The following CACNA1B variants were observed in gnomAD, a reference collection of about 807,000 sequenced individuals.
CACNA1B encodes calcium voltage-gated channel subunit alpha1 B.
CACNA1B carries 70 observed loss-of-function variants against 247.2 expected under a neutral mutation model. The observed-to-expected ratio is 0.28, with a 90% CI of 0.23 to 0.35. The LOEUF (loss-of-function observed/expected upper bound fraction) is 0.35, where lower values mean the gene tolerates loss of function less well. Ranked by LOEUF, CACNA1B falls within the 10% of genes least tolerant of loss-of-function variation. CACNA1B has a pLI of 1.00. For missense variants in CACNA1B, 2,367 were observed against 3,197.4 expected (o/e 0.74, Z 6.26); for synonymous variants, 1,231 against 1,294.4 (o/e 0.95, Z 1.05).
intron 12 of CACNA1B, among the ~76,000 whole-genome samples, chr9:137,981,504 T>C (rs1243098075): frequency 6.6e-6 from 1 of 152,194 alleles, no homozygotes; most frequent in African/African-American, 2.4e-5. Flanking sequence ...TGTGTGTGTG[T>C]CTCGCTCTGT....
At chr9:138,044,282 G>A (rs895120292) in intron 21 of CACNA1B, among the ~76,000 whole-genome samples, 3 of 152,216 alleles carry the variant, frequency 2.0e-5, no homozygotes, top group African/African-American at 7.2e-5. Context: ...ATGTCTATCC[G>A]TGTGTCCACG....
At chr9:137,967,110 C>T (rs759823166) in intron 10 of CACNA1B, among the ~76,000 whole-genome samples, 3 of 151,806 alleles carry the variant, frequency 2.0e-5, no homozygotes, top group African/African-American at 7.3e-5. Flanking sequence ...CTGTTTATTG[C>T]TCCTCTCCTC....
intron 6 of CACNA1B, among the ~76,000 whole-genome samples, chr9:137,937,511 A>T (rs965086780): frequency 2.0e-5 from 3 of 152,214 alleles, no homozygotes; most frequent in Non-Finnish European, 4.4e-5. Context: ...TGGAAAATGT[A>T]TTTGGGGAAA....
intron 15 of CACNA1B, among the ~76,000 whole-genome samples, chr9:138,000,101 CTTT>C (rs11317689): frequency 4.4e-5 from 6 of 137,770 alleles, no homozygotes; most frequent in African/African-American, 5.3e-5. Context: ...ATGAAACATG[CTTT>C]TTTTTTTTTT....
intron 36 of CACNA1B, among the ~76,000 whole-genome samples, chr9:138,084,955 GAA>G (rs540352266): frequency 6.8e-5 from 6 of 87,746 alleles, no homozygotes; most frequent in African/African-American, 9.1e-5. Flanking sequence ...CCATCTCAAA[GAA>G]AAAAAAAAAA....
rs753223370 is a variant in CACNA1B at position 138,023,400 on chromosome 9, C to T, written c.2657C>T (p.Pro886Leu). The T allele has an allele frequency of 8.2e-6, 11 of 1,339,388 alleles. No homozygotes were observed. The South Asian group carries it at 1.9e-4, about 23-fold the overall frequency. The allele number at this position is 1,339,388 out of a possible 1,614,324, so 83.0% of individuals were successfully genotyped here. ...GAGCCCGGTGCCCGGGAGGAGCGGC[C>T]GCGGCCGCACCGCAGCCACAGCAAG... ...SGEPGAREER[P>L]RPHRSHSKEA... The change falls in exon 19 of 47, where the codon CCG (proline) becomes CTG (leucine). Residue 886 changes from proline (P) to leucine (L), a missense_variant. Transcript: ENST00000371372.
chr9:137,879,818 G>T (rs1038873939), intron 2 of CACNA1B, among the ~76,000 whole-genome samples: 1 of 152,236 alleles, frequency 6.6e-6, no homozygotes, highest in South Asian at 2.1e-4. Flanking sequence ...GCCCTGTGGG[G>T]TCTCTGGAGG....
intron 3 of CACNA1B, among the ~76,000 whole-genome samples, chr9:137,912,668 A>G (rs1287051371): frequency 6.6e-6 from 1 of 152,136 alleles, no homozygotes; most frequent in East Asian, 1.9e-4. Flanking sequence ...CCACCTTTCC[A>G]ATACCCCACT....
chr9:137,908,410 G>A (rs1957320889), intron 3 of CACNA1B, among the ~76,000 whole-genome samples: 2 of 151,782 alleles, frequency 1.3e-5, no homozygotes, highest in Admixed American at 6.6e-5. Context: ...CAGCTACTCG[G>A]GAGGCTGAGG....
At chr9:137,921,335 A>G (rs763098975) in intron 6 of CACNA1B, among the ~76,000 whole-genome samples, 1 of 151,638 alleles carries the variant, frequency 6.6e-6, no homozygotes. Context: ...CTGGGAGCAG[A>G]GTAAAGCGTT....
chr9:138,034,653 G>A (rs1959022151), intron 20 of CACNA1B, among the ~76,000 whole-genome samples: 1 of 151,830 alleles, frequency 6.6e-6, no homozygotes, highest in East Asian at 1.9e-4. Context: ...TATATATGAG[G>A]CATAAAAGAA....
At chr9:138,090,015 C>A (rs1960824909) in intron 36 of CACNA1B, among the ~76,000 whole-genome samples, 1 of 151,968 alleles carries the variant, frequency 6.6e-6, no homozygotes, top group African/African-American at 2.4e-5. Context: ...GTGAAAAGGA[C>A]CATGCAGATT....
chr9:138,073,390 G>T lies in CACNA1B; in HGVS notation c.4675-98G>T. 1.4e-6 allele frequency: 1 copy of T among 708,966 alleles called. No individual in the cohort carries two copies. Among genetic ancestry groups the T allele is most frequent in the East Asian group, 2.5e-5 (1 of 39,670 alleles). The allele number at this position is 708,966 out of a possible 1,614,324, so 43.9% of individuals were successfully genotyped here. ...TTAATCTTTTTAACCACTTTTCTTT[G>T]GGGCCACAGGGATGTGGGAAGAGGT... is the stretch of plus-strand genomic sequence containing the variant. On this transcript the variant is annotated intron_variant, in intron 32 of 46. Coordinates refer to ENST00000371372, the MANE Select transcript of CACNA1B (RefSeq NM_000718.4). The surrounding 1 kb of genome is among the most constrained non-coding windows in gnomAD (Gnocchi z 6.4).
At chr9:138,077,852 C>A (rs953752179) in intron 35 of CACNA1B, among the ~76,000 whole-genome samples, 1 of 152,200 alleles carries the variant, frequency 6.6e-6, no homozygotes, top group African/African-American at 2.4e-5. Context: ...CTGTGGTGTC[C>A]ACAAAGAAGT....
At chr9:138,119,689 G>A (rs1188009280) in intron 44 of CACNA1B, among the ~76,000 whole-genome samples, 2 of 152,126 alleles carry the variant, frequency 1.3e-5, no homozygotes, top group Admixed American at 6.5e-5. Context: ...TGGTGGGTGG[G>A]TGCAGGCTGA....
At chr9:138,083,054 C>T (rs180841484) in intron 36 of CACNA1B, among the ~76,000 whole-genome samples, 3 of 150,524 alleles carry the variant, frequency 2.0e-5, no homozygotes, top group South Asian at 4.2e-4. Context: ...CCCTACCACT[C>T]GGGTCCCCTG....
Position 137,986,144 on chromosome 9 carries a change from G to A in CACNA1B, c.1770-269G>A, listed in dbSNP as rs1327718811. On this transcript the variant is annotated intron_variant, in intron 13 of 46. Coordinates refer to ENST00000371372, the MANE Select transcript of CACNA1B (RefSeq NM_000718.4). This position sits in a 1 kb window ranked among gnomAD's most constrained non-coding sequence, Gnocchi z 6.0. ...GCCTGGCCACCTGGATGGTGGCCTC[G>A]TCCTCCTGAACCTAGGGACAGGGAG... Among the ~76,000 whole-genome samples, 4 of 152,106 alleles carry A rather than the reference G, an allele frequency of 2.6e-5. No homozygotes were observed. The highest frequency in any genetic ancestry group is 7.2e-5 in the African/African-American group (3 of 41,420).
In CACNA1B at chr9:138,052,235, CGTGTGTGTGTGTGCGT is replaced by C; in HGVS notation, c.3807+60_3807+75del. On this transcript the variant is annotated intron_variant, in intron 25 of 46. Coordinates refer to ENST00000371372, the MANE Select transcript of CACNA1B (RefSeq NM_000718.4). This position sits in a 1 kb window ranked among gnomAD's most constrained non-coding sequence, Gnocchi z 5.1. ...TTGAGGGATGTGCTGTGTGTGTGTG[CGTGTGTGTGTGTGCGT>C]GTGTGTGTGTGTATGCATGCAGTGC... is the stretch of plus-strand genomic sequence containing the variant. 3 of 948,824 alleles carry C rather than the reference CGTGTGTGTGTGTGCGT, an allele frequency of 3.2e-6. No individual in the cohort carries two copies. Among genetic ancestry groups the C allele is most frequent in the Non-Finnish European group, 4.9e-6 (3 of 610,060 alleles). 58.8% of individuals were successfully genotyped at this position (948,824 alleles called of 1,614,324 possible).
At chr9:137,948,295 A>G (rs1957822018) in intron 6 of CACNA1B, among the ~76,000 whole-genome samples, 2 of 152,274 alleles carry the variant, frequency 1.3e-5, no homozygotes, top group South Asian at 4.1e-4. Flanking sequence ...TTCTTTAAAT[A>G]CTGTCAGCTT....
Sources: allele counts gnomAD v4.1 joint callset (sites outside exome capture counted in the v4.1 genomes callset), GRCh38; gene constraint gnomAD v4.1.1; non-coding constraint Gnocchi (gnomAD v3.1); transcripts MANE v1.5; gene names NCBI Gene and HGNC (gene_info 2026-07-23, HGNC 2026-07-21).